The following PUM2 variants were observed in gnomAD, a reference collection of about 807,000 sequenced individuals.
PUM2 encodes the protein pumilio homolog 2.
A neutral mutation model predicts 124.5 loss-of-function variants in PUM2; 57 were observed. The ratio of observed to expected loss-of-function variants is 0.46; its 90% CI spans 0.37 to 0.57. The LOEUF is 0.57. Ranked by LOEUF, PUM2 falls within the 20% of genes least tolerant of loss-of-function variation. The pLI, the probability that PUM2 is intolerant of heterozygous loss-of-function variation, is 0.00. For synonymous variants in PUM2, 460 were observed against 446.1 expected, an observed-to-expected ratio of 1.03 and a Z score of -0.39; for missense variants, 1,065 against 1,290.6, an observed-to-expected ratio of 0.83 and a Z score of 2.68.
At chr2:20,279,792 C>T (rs952156273) in intron 12 of PUM2, among the ~76,000 whole-genome samples, 10 of 152,108 alleles carry the variant, frequency 6.6e-5, no homozygotes, top group Non-Finnish European at 1.2e-4. Flanking sequence ...TAATCAAATT[C>T]CACAGCATGC....
At chr2:20,312,842 G>C (rs971627154) in intron 3 of PUM2, among the ~76,000 whole-genome samples, 1 of 152,058 alleles carries the variant, frequency 6.6e-6, no homozygotes, top group Non-Finnish European at 1.5e-5. Flanking sequence ...CAGTAACCAA[G>C]ACAGCATGGT....
chr2:20,306,316 T>C (rs971168266), intron 7 of PUM2, among the ~76,000 whole-genome samples: 1 of 152,242 alleles, frequency 6.6e-6, no homozygotes, highest in African/African-American at 2.4e-5. Flanking sequence ...CTTCTGGAAG[T>C]AGATAAGCTA....
rs1558544463 is a variant in PUM2 at position 20,283,232 on chromosome 2, C to T, written c.1436-1G>A. 3.1e-6 allele frequency: 5 copies of T among 1,610,184 alleles called. No individual in the cohort carries two copies. The highest frequency in any genetic ancestry group is 4.2e-6 in the Non-Finnish European group (5 of 1,177,392). On this transcript the variant is annotated splice_acceptor_variant, in intron 11 of 20. Coordinates refer to ENST00000361078, the MANE Select transcript of PUM2 (RefSeq NM_015317.5). LOFTEE classifies it high-confidence loss of function. ...GTTCCTCCAGCTGCTGCTGCTGCTG[C>T]TGTAAAATAAATTTCAGATACTTCT...
In PUM2 at chr2:20,278,357, A is replaced by T. The variant is rs185085408; in HGVS notation, c.1957+226T>A. Among the ~76,000 whole-genome samples the T allele has an allele frequency of 1.5e-4, 23 of 152,064 alleles. No individual in the cohort carries two copies. The East Asian group carries it at 1.9e-3, about 13-fold the overall frequency. Reference sequence around the variant, plus strand: ...GAAAAAACACACCATTATATTTCATAAAAAAAACATAAGAAACAATAGGGG... The same window carrying T: ...GAAAAAACACACCATTATATTTCATTAAAAAAACATAAGAAACAATAGGGG... On this transcript the variant is annotated intron_variant, in intron 13 of 20. Transcript: ENST00000361078.
chr2:20,318,210 A>G lies in PUM2; in HGVS notation c.160+327T>C, dbSNP rs1408876671. ...CTCACCAGCATCTTATTTTTTAATA[A>G]TAGCCACAGAATTTTACAATCAATT... On this transcript the variant is annotated intron_variant, in intron 3 of 20. Transcript: ENST00000361078. Among the ~76,000 whole-genome samples, 3 of 152,188 alleles carry G rather than the reference A, an allele frequency of 2.0e-5. 1 individual carries two copies. The highest frequency in any genetic ancestry group is 3.8e-4 in the East Asian group (2 of 5,200).
chr2:20,332,174 C>T (rs1291229129), intron 1 of PUM2, among the ~76,000 whole-genome samples: 5 of 152,122 alleles, frequency 3.3e-5, no homozygotes, highest in Non-Finnish European at 7.4e-5. Flanking sequence ...CACTTTCTCT[C>T]TTGACTGCTC....
chr2:20,255,415 G>GTTTT, intron 17 of PUM2, 74 bp from the exon 18 acceptor site: 6 of 1,151,492 alleles, frequency 5.2e-6, no homozygotes, highest in Non-Finnish European at 5.9e-6. Context: ...AGACTGGTTT[G>GTTTT]TTTTTTTTTT....
chr2:20,266,814 CA>C, intron 13 of PUM2, among the ~76,000 whole-genome samples: 1 of 152,158 alleles, frequency 6.6e-6, no homozygotes, highest in East Asian at 1.9e-4. Context: ...CTCAATTTGA[CA>C]ATGGGCCCCC....
intron 2 of PUM2, 90 bp from the exon 3 acceptor site, chr2:20,318,735 C>T: frequency 1.2e-6 from 1 of 807,352 alleles, no homozygotes; most frequent in Admixed American, 2.6e-5. Flanking sequence ...GCTATGTATA[C>T]ATTAGTTTTC....
chr2:20,258,402 G>C, intron 15 of PUM2, 31 bp from the exon 16 acceptor site: 2 of 1,604,506 alleles, frequency 1.2e-6, no homozygotes, highest in Non-Finnish European at 1.7e-6. Flanking sequence ...TTAATAACAA[G>C]TGACCTTAAT....
In PUM2 at chr2:20,277,387, T is replaced by C. The variant is rs142649338; in HGVS notation, c.1957+1196A>G. Among the ~76,000 whole-genome samples, 1,256 of 152,174 alleles carry C rather than the reference T, an allele frequency of 8.3e-3. 15 individuals are homozygous for C. The highest frequency in any genetic ancestry group is 0.029 in the African/African-American group (1,198 of 41,534). On this transcript the variant is annotated intron_variant, in intron 13 of 20. Transcript: ENST00000361078. ...CTAAAGATAGGTAAATCTACACATC[T>C]AGTACTGCAAAGTGGATCTTAGGGC...
intron 1 of PUM2, among the ~76,000 whole-genome samples, chr2:20,341,133 CAT>C (rs964274054): frequency 1.3e-5 from 2 of 152,112 alleles, no homozygotes; most frequent in African/African-American, 4.8e-5. Flanking sequence ...GCGTAGGCAA[CAT>C]AGCAGGGGCC....
chr2:20,339,345 G>GAAA (rs911110740), intron 1 of PUM2, among the ~76,000 whole-genome samples: 2 of 118,230 alleles, frequency 1.7e-5, no homozygotes, highest in Non-Finnish European at 3.6e-5. Context: ...CATCTCAAGA[G>GAAA]AAAAAAAAAA....
intron 3 of PUM2, among the ~76,000 whole-genome samples, chr2:20,316,420 C>G (rs975015896): frequency 1.4e-4 from 21 of 151,348 alleles, no homozygotes; most frequent in African/African-American, 4.9e-4. Flanking sequence ...ATAATGATAA[C>G]TGGCTAATTA....
At position 20,261,394 on chromosome 2, in the gene PUM2, C is replaced by CAAAAAAAAAAAAAAAAAAAAAAAA. The variant is rs200294801; in HGVS notation, c.2226-952_2226-929dup. On this transcript the variant is annotated intron_variant, in intron 14 of 20. Coordinates refer to ENST00000361078, the MANE Select transcript of PUM2 (RefSeq NM_015317.5). ...AAGCGACAGAGTGAGACTCTGTCTC[C>CAAAAAAAAAAAAAAAAAAAAAAAA]AAAAAAAAAAAAAAAAAAAAAAAAA... Among the ~76,000 whole-genome samples, 13 of 76,750 alleles carry CAAAAAAAAAAAAAAAAAAAAAAAA rather than the reference C, an allele frequency of 1.7e-4. 2 individuals carry two copies. Among genetic ancestry groups the CAAAAAAAAAAAAAAAAAAAAAAAA allele is most frequent in the Non-Finnish European group, 2.4e-4 (9 of 36,902 alleles). The allele number at this position is 76,750 out of a possible 152,430, so 50.4% of individuals were successfully genotyped here.
chr2:20,305,173 T>C (rs1677913743), intron 7 of PUM2, among the ~76,000 whole-genome samples: 1 of 152,132 alleles, frequency 6.6e-6, no homozygotes, highest in Non-Finnish European at 1.5e-5. Context: ...ATTATTAAAA[T>C]ACTCTAAGGC....
intron 2 of PUM2, among the ~76,000 whole-genome samples, chr2:20,323,056 C>T (rs754735560): frequency 3.9e-5 from 6 of 152,134 alleles, no homozygotes; most frequent in Non-Finnish European, 7.3e-5. Flanking sequence ...TCAAGACTTC[C>T]CTGGGTTCAA....
chr2:20,273,278 G>A (rs543775921), intron 13 of PUM2, among the ~76,000 whole-genome samples: 44 of 152,324 alleles, frequency 2.9e-4, no homozygotes, highest in African/African-American at 1.1e-3. Context: ...CACAATCATT[G>A]TAACGAGCAA....
At position 20,328,938 on chromosome 2, in the gene PUM2, G is replaced by A. The variant is rs564738937; in HGVS notation, c.-18-1560C>T. On this transcript the variant is annotated intron_variant, in intron 1 of 20. Transcript: ENST00000361078. ...TATAATCCCAGCACTTTGGGAAGCC[G>A]AGGCAGGTGGATTACTTGAGCCCAG... 5.3e-5 allele frequency among the ~76,000 whole-genome samples: 8 copies of A among 152,138 alleles called. No homozygotes were observed. The South Asian group carries it at 6.2e-4, about 12-fold the overall frequency.
Sources: gnomAD v4.1 joint callset for allele counts (sites outside exome capture counted in the v4.1 genomes callset) on GRCh38, gnomAD v4.1.1 for gene constraint, MANE v1.5 for transcripts, NCBI Gene and HGNC (gene_info 2026-07-23, HGNC 2026-07-21) for gene names.